The following BMAL2 variants were observed in gnomAD, a reference collection of about 807,000 sequenced individuals.
The protein encoded by BMAL2 is basic helix-loop-helix ARNT-like protein 2.
the BMAL2 span, chr12:27,370,171 G>A: frequency 6.2e-7 from 1 of 1,613,982 alleles, no homozygotes; most frequent in South Asian, 1.1e-5. Flanking sequence ...AGCTTTCTCA[G>A]AATCCCCTTA....
chr12:27,371,466 C>T, the BMAL2 span, among the ~76,000 whole-genome samples: 4 of 152,154 alleles, frequency 2.6e-5, no homozygotes, highest in East Asian at 7.7e-4. Context: ...TTGCATACTC[C>T]TGATCAGGAA....
the BMAL2 span, chr12:27,387,234 G>T: frequency 6.2e-7 from 1 of 1,609,334 alleles, no homozygotes; most frequent in African/African-American, 1.3e-5. Context: ...CTAGACTGCA[G>T]AAGGCTTCTT....
chr12:27,364,309 A>T, the BMAL2 span, among the ~76,000 whole-genome samples: 1 of 152,136 alleles, frequency 6.6e-6, no homozygotes, highest in Non-Finnish European at 1.5e-5. Context: ...TTCTGTTTTT[A>T]TTTTTTAAAT....
At chr12:27,364,454 C>G in the BMAL2 span, among the ~76,000 whole-genome samples, 1 of 152,100 alleles carries the variant, frequency 6.6e-6, no homozygotes, top group Non-Finnish European at 1.5e-5. Context: ...CCACATTGAT[C>G]TTTTACCACC....
chr12:27,360,622 G>A, the BMAL2 span, among the ~76,000 whole-genome samples: 3 of 151,660 alleles, frequency 2.0e-5, no homozygotes, highest in Non-Finnish European at 2.9e-5. Flanking sequence ...ATCTACAATG[G>A]CTCACCAACA....
the BMAL2 span, chr12:27,376,539 C>T: frequency 6.7e-6 from 4 of 597,558 alleles, no homozygotes; most frequent in Non-Finnish European, 1.1e-5. Context: ...TTATCAGGCA[C>T]CTGATGTCTT....
At chr12:27,393,516 A>AGTG in the BMAL2 span, among the ~76,000 whole-genome samples, 61 of 152,300 alleles carry the variant, frequency 4.0e-4, no homozygotes, top group African/African-American at 1.5e-3. Flanking sequence ...AGTGTGAGAA[A>AGTG]TGGTAAGTAG....
the BMAL2 span, chr12:27,416,026 G>C: frequency 1.0e-6 from 1 of 989,856 alleles, no homozygotes; most frequent in Non-Finnish European, 1.5e-6. Context: ...TTTCTTTTAA[G>C]AAAAGAAGCC....
chr12:27,351,530 C>A, the BMAL2 span, among the ~76,000 whole-genome samples: 2 of 152,262 alleles, frequency 1.3e-5, no homozygotes, highest in African/African-American at 4.8e-5. Flanking sequence ...CACTACCCAA[C>A]CATCTCTTTT....
At chr12:27,390,263 A>G in the BMAL2 span, 8 of 1,607,220 alleles carry the variant, frequency 5.0e-6, no homozygotes, top group Admixed American at 1.0e-4. Context: ...ATGTCAAGTG[A>G]TGCAAAGCAT....
the BMAL2 span, chr12:27,403,550 T>C: frequency 6.7e-7 from 1 of 1,494,030 alleles, no homozygotes; most frequent in Non-Finnish European, 9.2e-7. Context: ...AGGTAATGTT[T>C]TATTGCTGCA....
At chr12:27,343,635 G>A in the BMAL2 span, among the ~76,000 whole-genome samples, 1 of 152,190 alleles carries the variant, frequency 6.6e-6, no homozygotes, top group Non-Finnish European at 1.5e-5. Flanking sequence ...ACCTGCTGAT[G>A]TTGAAAATGT....
chr12:27,359,868 G>A, the BMAL2 span, among the ~76,000 whole-genome samples: 1 of 151,674 alleles, frequency 6.6e-6, no homozygotes, highest in Non-Finnish European at 1.5e-5. Context: ...GGAATCTGGA[G>A]GAGCAGGATC....
the BMAL2 span, chr12:27,401,110 C>A: frequency 3.0e-6 from 2 of 664,164 alleles, no homozygotes; most frequent in African/African-American, 1.8e-5. Flanking sequence ...GGGTCTAGGG[C>A]AGCCGAGGGG....
chr12:27,378,724 A>G, the BMAL2 span, among the ~76,000 whole-genome samples: 19 of 152,216 alleles, frequency 1.2e-4, no homozygotes, highest in Admixed American at 6.5e-5. Context: ...TTGTTTTACT[A>G]CATAATTTTG....
the BMAL2 span, chr12:27,368,393 A>G: frequency 6.2e-7 from 1 of 1,614,122 alleles, no homozygotes; most frequent in East Asian, 2.2e-5. Context: ...ACGCAAAGGA[A>G]GTGATTCAGA....
At chr12:27,399,455 A>G in the BMAL2 span, among the ~76,000 whole-genome samples, 1 of 152,110 alleles carries the variant, frequency 6.6e-6, no homozygotes, top group Admixed American at 6.5e-5. Context: ...CTTGCCATTA[A>G]CTCAGTTTCC....
At chr12:27,390,212 G>A in the BMAL2 span, 1 of 1,613,854 alleles carries the variant, frequency 6.2e-7, no homozygotes, top group Non-Finnish European at 8.5e-7. Context: ...AGAAGAGCAT[G>A]GATGCTTACC....
the BMAL2 span, among the ~76,000 whole-genome samples, chr12:27,354,968 G>A: frequency 6.6e-6 from 1 of 152,132 alleles, no homozygotes; most frequent in African/African-American, 2.4e-5. Flanking sequence ...TACTAGATTA[G>A]TAGTAATATG....
Sources: gnomAD v4.1 joint callset for allele counts (sites outside exome capture counted in the v4.1 genomes callset) on GRCh38, gnomAD v4.1.1 for gene constraint, MANE v1.5 for transcripts, NCBI Gene and HGNC (gene_info 2026-07-23, HGNC 2026-07-21) for gene names.